The following LRRTM3 variants were observed in gnomAD, a reference collection of about 807,000 sequenced individuals.
LRRTM3 encodes the protein leucine rich repeat transmembrane neuronal 3.
In LRRTM3, 24 loss-of-function variants were observed where a neutral mutation model predicts 44.7. That is an observed-to-expected ratio of 0.54 (90% CI 0.39 to 0.76). The LOEUF is 0.76. LRRTM3 is among the 30% of genes least tolerant of loss of function. The pLI is 0.00. For synonymous variants in LRRTM3, 277 were observed against 278.7 expected (o/e 0.99, Z 0.06); for missense variants, 587 against 702.2 (o/e 0.84, Z 1.85).
At chr10:67,036,473 G>T (rs1022342590) in intron 2 of LRRTM3, among the ~76,000 whole-genome samples, 1 of 152,020 alleles carries the variant, frequency 6.6e-6, no homozygotes, top group Non-Finnish European at 1.5e-5. Flanking sequence ...AGATCAGCCT[G>T]GCCAACATGG....
Position 66,928,013 on chromosome 10 carries a change from C to G in LRRTM3, c.1097C>G (p.Thr366Arg), listed in dbSNP as rs774084468. 1 of 1,614,034 alleles carries G rather than the reference C, an allele frequency of 6.2e-7. No homozygotes were observed. Residue 366 changes from threonine (T) to arginine (R), a missense_variant, in exon 2 of 3, where the codon ACA (threonine) becomes AGA (arginine). This residue lies in a region of LRRTM3 where 315 missense variants were observed against 335.6 expected (regional missense o/e 0.94). Transcript: ENST00000361320. ...TACAGCATCTGTGGCAAAAGTACTACAGAGAGGTTTGATCTGGCCAGGGCT... is the reference window on the plus strand; with the variant it reads ...TACAGCATCTGTGGCAAAAGTACTAGAGAGAGGTTTGATCTGGCCAGGGCT... ...KNYSICGKST[T>R]ERFDLARALP...
chr10:67,000,118 T>C (rs920307395), intron 2 of LRRTM3, among the ~76,000 whole-genome samples: 1 of 152,178 alleles, frequency 6.6e-6, no homozygotes, highest in African/African-American at 2.4e-5. Context: ...GAAGGCTCTA[T>C]TGTAAAAATA....
intron 2 of LRRTM3, among the ~76,000 whole-genome samples, chr10:66,945,811 G>T (rs1176703250): frequency 6.6e-6 from 1 of 152,128 alleles, no homozygotes; most frequent in South Asian, 2.1e-4. Flanking sequence ...TTTCAACTTT[G>T]ATGTGTCTCA....
intron 2 of LRRTM3, among the ~76,000 whole-genome samples, chr10:66,981,054 C>T (rs1311195303): frequency 1.3e-5 from 2 of 152,040 alleles, no homozygotes; most frequent in African/African-American, 4.8e-5. Flanking sequence ...TACAGGCATG[C>T]TCCACCATGC....
chr10:67,045,590 T>A (rs749083520), intron 2 of LRRTM3, among the ~76,000 whole-genome samples: 2 of 152,186 alleles, frequency 1.3e-5, no homozygotes, highest in Non-Finnish European at 1.5e-5. Context: ...TTCCATTGCG[T>A]GACGGGCAAG....
chr10:66,998,838 T>C (rs2140372), intron 2 of LRRTM3, among the ~76,000 whole-genome samples: 79,313 of 151,978 alleles, frequency 0.52, 21,346 homozygotes, highest in Middle Eastern at 0.74. Context: ...ATACAAATAA[T>C]GCAACTAAGA....
intron 2 of LRRTM3, among the ~76,000 whole-genome samples, chr10:66,949,704 T>C (rs1848441032): frequency 6.6e-6 from 1 of 152,144 alleles, no homozygotes; most frequent in African/African-American, 2.4e-5. Flanking sequence ...ATGTGAAAAT[T>C]AAAGTCCATT....
intron 2 of LRRTM3, among the ~76,000 whole-genome samples, chr10:67,078,745 T>C (rs1222506302): frequency 6.6e-6 from 1 of 152,130 alleles, no homozygotes; most frequent in Non-Finnish European, 1.5e-5. Flanking sequence ...CTCAATCTCC[T>C]GACCTTGTGA....
At chr10:67,054,847 G>C (rs887761218) in intron 2 of LRRTM3, 1 of 151,996 alleles carries the variant, frequency 6.6e-6, no homozygotes, top group African/African-American at 2.4e-5. Flanking sequence ...GTGAGGTAGG[G>C]AGTCCAACAC....
intron 2 of LRRTM3, among the ~76,000 whole-genome samples, chr10:67,001,827 C>G (rs1234332744): frequency 6.6e-6 from 1 of 152,170 alleles, no homozygotes; most frequent in Non-Finnish European, 1.5e-5. Context: ...TTTCTACTGA[C>G]TGTATCTCTT....
chr10:67,049,044 T>G (rs1854927733), intron 2 of LRRTM3, among the ~76,000 whole-genome samples: 1 of 111,010 alleles, frequency 9.0e-6, no homozygotes, highest in African/African-American at 3.4e-5. Flanking sequence ...TTTTTTTTTT[T>G]GTACTCTTCT....
intron 2 of LRRTM3, among the ~76,000 whole-genome samples, chr10:67,000,500 G>A (rs1456314279): frequency 1.3e-5 from 2 of 152,086 alleles, no homozygotes; most frequent in African/African-American, 4.8e-5. Flanking sequence ...CCACTTAATT[G>A]GGCTTAAGGC....
chr10:67,031,643 C>T (rs1853735687), intron 2 of LRRTM3, among the ~76,000 whole-genome samples: 1 of 152,122 alleles, frequency 6.6e-6, no homozygotes, highest in Non-Finnish European at 1.5e-5. Context: ...TTGAAATACG[C>T]CCATCAACCT....
At chr10:67,055,468 T>C (rs1855366705) in intron 2 of LRRTM3, among the ~76,000 whole-genome samples, 1 of 152,116 alleles carries the variant, frequency 6.6e-6, no homozygotes, top group African/African-American at 2.4e-5. Flanking sequence ...TAGGTAGGTG[T>C]TGTTTTAACC....
At chr10:66,973,023 T>C (rs1439048887) in intron 2 of LRRTM3, among the ~76,000 whole-genome samples, 3 of 152,218 alleles carry the variant, frequency 2.0e-5, no homozygotes, top group African/African-American at 7.2e-5. Context: ...CAGTTTTACA[T>C]CATGTTTACA....
chr10:66,999,941 C>T (rs972195093), intron 2 of LRRTM3, among the ~76,000 whole-genome samples: 6 of 152,164 alleles, frequency 3.9e-5, no homozygotes, highest in Non-Finnish European at 5.9e-5. Context: ...AGATCAGTGA[C>T]TAGATTTTCC....
At position 67,073,577 on chromosome 10, in the gene LRRTM3, TGA is replaced by T. The variant is rs1229517131; in HGVS notation, c.1537-24004_1537-24003del. Among the ~76,000 whole-genome samples the T allele has an allele frequency of 8.9e-5, 13 of 146,454 alleles. No homozygotes were observed. In the South Asian group the frequency reaches 1.1e-3, roughly 12 times the overall value. On this transcript the variant is annotated intron_variant, in intron 2 of 2. Transcript: ENST00000361320. ...GATTAAGCCCAATAAAGAGAAAAAA[TGA>T]GAGAGTCATATTAAAAAAACAGAGA...
At chr10:66,966,627 C>T (rs369156687) in intron 2 of LRRTM3, among the ~76,000 whole-genome samples, 8 of 151,886 alleles carry the variant, frequency 5.3e-5, no homozygotes, top group South Asian at 4.1e-4. Context: ...ACCTAATTTA[C>T]GGCGAGGGGG....
intron 2 of LRRTM3, among the ~76,000 whole-genome samples, chr10:66,975,091 G>C (rs1849956198): frequency 6.6e-6 from 1 of 151,968 alleles, no homozygotes; most frequent in Non-Finnish European, 1.5e-5. Flanking sequence ...CTGACCAAAA[G>C]GGTCATTCTT....
Sources: gnomAD v4.1 joint callset for allele counts (sites outside exome capture counted in the v4.1 genomes callset) on GRCh38, gnomAD v4.1.1 for gene constraint, gnomAD v4.1.1 regional missense constraint, MANE v1.5 for transcripts, NCBI Gene and HGNC (gene_info 2026-07-23, HGNC 2026-07-21) for gene names.